DESI2: variants seen among roughly 807,000 people sequenced by gnomAD.
DESI2 encodes the protein desumoylating isopeptidase 2.
DESI2 carries 10 observed loss-of-function variants against 24.1 expected under a neutral mutation model. The observed-to-expected ratio is 0.41, with a 90% CI of 0.26 to 0.70. The LOEUF (loss-of-function observed/expected upper bound fraction) is 0.70. Among genes scored for constraint, DESI2 ranks in the 30% least tolerant of loss-of-function variants. The pLI is 0.29. For missense variants in DESI2, 122 were observed against 234.9 expected (o/e 0.52, Z 3.14); for synonymous variants, 71 against 87.7 (o/e 0.81, Z 1.06).
chr1:244,703,081 C>T (rs1432528020), intron 4 of DESI2, among the ~76,000 whole-genome samples: 1 of 148,854 alleles, frequency 6.7e-6, no homozygotes, highest in Non-Finnish European at 1.5e-5. Flanking sequence ...AGCTCACTGC[C>T]ACCTCTGCCT....
Position 244,699,578 on chromosome 1 carries a change from CAAAAAAAAAAAAAAAAAA to C in DESI2, c.352-5957_352-5940del, listed in dbSNP as rs559295405. Among the ~76,000 whole-genome samples, 77 of 66,222 alleles carry C rather than the reference CAAAAAAAAAAAAAAAAAA, an allele frequency of 1.2e-3. 1 individual carries two copies. In the South Asian group the frequency reaches 0.024, roughly 21 times the overall value. 43.4% of individuals were successfully genotyped at this position (66,222 alleles called of 152,430 possible). A position where few individuals can be genotyped will look rare whatever the true frequency, so the allele number is the denominator to read the frequency against. On this transcript the variant is annotated intron_variant, in intron 4 of 4. Transcript: ENST00000302550. Reference sequence around the variant, plus strand: ...GCCTAGCAACAGAGTGAGACTGTCTCAAAAAAAAAAAAAAAAAAAAAAAAAAAAAAAAAAAAAATTCTG... The same window carrying C: ...GCCTAGCAACAGAGTGAGACTGTCTCAAAAAAAAAAAAAAAAAAAATTCTG...
At chr1:244,678,138 A>AT (rs1676478601) in intron 1 of DESI2, among the ~76,000 whole-genome samples, 1 of 152,140 alleles carries the variant, frequency 6.6e-6, no homozygotes, top group Non-Finnish European at 1.5e-5. Flanking sequence ...GCAGATACTC[A>AT]TTTTCATTGT....
At chr1:244,659,032 CTTTTT>C (rs10553169) in intron 1 of DESI2, among the ~76,000 whole-genome samples, 1 of 147,224 alleles carries the variant, frequency 6.8e-6, no homozygotes, top group Non-Finnish European at 1.5e-5. Flanking sequence ...GGTCATCCAT[CTTTTT>C]TTTTTTTTTT....
rs2148822762 is a variant in DESI2 at position 244,706,978 on chromosome 1, A to G, written c.*1189A>G. 1 of 152,780 alleles carries G rather than the reference A, an allele frequency of 6.5e-6. No individual in the cohort carries two copies. The highest frequency in any genetic ancestry group is 2.4e-5 in the African/African-American group (1 of 41,588). 9.5% of individuals were successfully genotyped at this position (152,780 alleles called of 1,614,324 possible). A position where few individuals can be genotyped will look rare whatever the true frequency, so the allele number is the denominator to read the frequency against. Reference sequence around the variant, plus strand: ...TAAGAATGAAACTGTCACCACAGGTAAATCCTTGTTAGCAAGGAATCTGTC... The same window carrying G: ...TAAGAATGAAACTGTCACCACAGGTGAATCCTTGTTAGCAAGGAATCTGTC... On this transcript the variant is annotated 3_prime_UTR_variant, in exon 5 of 5. Coordinates refer to ENST00000302550, the MANE Select transcript of DESI2 (RefSeq NM_016076.5).
chr1:244,683,089 T>C (rs1172870754), intron 1 of DESI2, among the ~76,000 whole-genome samples: 1 of 152,118 alleles, frequency 6.6e-6, no homozygotes, highest in Non-Finnish European at 1.5e-5. Flanking sequence ...AGGGGGGTTC[T>C]GGCTAAACCA....
intron 1 of DESI2, among the ~76,000 whole-genome samples, chr1:244,683,533 G>C (rs557557678): frequency 2.3e-4 from 35 of 152,186 alleles, no homozygotes; most frequent in Middle Eastern, 6.8e-3. Context: ...GGGTGGTCTT[G>C]ATCTCCTGAC....
At chr1:244,679,442 G>A (rs1676525167) in intron 1 of DESI2, among the ~76,000 whole-genome samples, 2 of 152,264 alleles carry the variant, frequency 1.3e-5, no homozygotes, top group South Asian at 2.1e-4. Flanking sequence ...TCATTCAGAT[G>A]TACCAGTTTT....
chr1:244,676,632 T>C (rs1676424257), intron 1 of DESI2, among the ~76,000 whole-genome samples: 1 of 151,798 alleles, frequency 6.6e-6, no homozygotes, highest in South Asian at 2.1e-4. Flanking sequence ...ATCTTATTTT[T>C]TATTTTAAAG....
chr1:244,668,046 A>G (rs181592905), intron 1 of DESI2, among the ~76,000 whole-genome samples: 1 of 152,376 alleles, frequency 6.6e-6, no homozygotes, highest in Non-Finnish European at 1.5e-5. Context: ...CTATATGTAT[A>G]CATTTGTTGT....
intron 1 of DESI2, among the ~76,000 whole-genome samples, chr1:244,674,855 A>G (rs1241311682): frequency 1.3e-5 from 2 of 152,090 alleles, no homozygotes; most frequent in Non-Finnish European, 2.9e-5. Flanking sequence ...ATATATTTTC[A>G]TTTCTCTTGG....
intron 1 of DESI2, among the ~76,000 whole-genome samples, chr1:244,673,121 A>T (rs1223459209): frequency 1.3e-5 from 2 of 152,218 alleles, no homozygotes; most frequent in Admixed American, 1.3e-4. Flanking sequence ...GAAGGACTTG[A>T]TAAGGCATAC....
intron 1 of DESI2, among the ~76,000 whole-genome samples, chr1:244,671,523 A>C (rs577659780): frequency 6.6e-6 from 1 of 152,152 alleles, no homozygotes; most frequent in African/African-American, 2.4e-5. Context: ...TCTAGAAATA[A>C]AAGTTGTCTT....
In DESI2 at chr1:244,685,631, A is replaced by G. The variant is rs1483262045; in HGVS notation, c.43-966A>G. ...TTGTTCATTTATGCTTCTTCCAGCA[A>G]TGCGTGAGAATGTGTGTAGGTCTGA... On this transcript the variant is annotated intron_variant, in intron 1 of 4. Coordinates refer to ENST00000302550, the MANE Select transcript of DESI2 (RefSeq NM_016076.5). Among the ~76,000 whole-genome samples, 4 of 152,334 alleles carry G rather than the reference A, an allele frequency of 2.6e-5. No homozygotes were observed. The East Asian group carries it at 5.8e-4, about 22-fold the overall frequency.
chr1:244,694,804 C>G (rs1257000505), intron 4 of DESI2: 1 of 539,782 alleles, frequency 1.9e-6, no homozygotes, highest in Non-Finnish European at 3.3e-6. Context: ...GTTTCCTTGA[C>G]TGCTTTCCGG....
At chr1:244,704,722 G>T (rs751919798) in intron 4 of DESI2, among the ~76,000 whole-genome samples, 10 of 152,156 alleles carry the variant, frequency 6.6e-5, no homozygotes, top group Non-Finnish European at 1.5e-4. Flanking sequence ...GCAGTGGCGT[G>T]ATGTCAGCTC....
At chr1:244,701,386 A>G (rs1309521754) in intron 4 of DESI2, among the ~76,000 whole-genome samples, 2 of 152,164 alleles carry the variant, frequency 1.3e-5, no homozygotes, top group Non-Finnish European at 2.9e-5. Flanking sequence ...TACGCAAGAG[A>G]TCCACAATGT....
chr1:244,662,793 A>G (rs887224275), intron 1 of DESI2, among the ~76,000 whole-genome samples: 1 of 152,224 alleles, frequency 6.6e-6, no homozygotes, highest in African/African-American at 2.4e-5. Context: ...CCATGTAGAA[A>G]GGAGAAAGTG....
At chr1:244,694,697 A>G (rs1677150044) in intron 4 of DESI2, 2 of 733,818 alleles carry the variant, frequency 2.7e-6, no homozygotes, top group Non-Finnish European at 5.0e-6. Flanking sequence ...GACGCTTTCC[A>G]AACGATGATG....
intron 4 of DESI2, among the ~76,000 whole-genome samples, chr1:244,696,050 A>G (rs1037290799): frequency 4.6e-5 from 7 of 152,176 alleles, no homozygotes; most frequent in African/African-American, 1.4e-4. Context: ...GATTACCTGC[A>G]TGAGCCACTG....
Sources: gnomAD v4.1 joint callset for allele counts (sites outside exome capture counted in the v4.1 genomes callset) on GRCh38, gnomAD v4.1.1 for gene constraint, MANE v1.5 for transcripts, NCBI Gene and HGNC (gene_info 2026-07-23, HGNC 2026-07-21) for gene names.